Variants in KCTD1 observed in about 807,000 individuals in gnomAD.
The protein encoded by KCTD1 is BTB/POZ domain-containing protein KCTD1.
KCTD1 carries 24 observed loss-of-function variants against 66.0 expected under a neutral mutation model. That is an observed-to-expected ratio of 0.36 (90% CI 0.26 to 0.51). The LOEUF (loss-of-function observed/expected upper bound fraction) is 0.51. Ranked by LOEUF, KCTD1 falls within the 20% of genes least tolerant of loss-of-function variation. The probability of loss-of-function intolerance (pLI) is 0.95; values close to 1 mark genes in which losing one functional copy is unlikely to be tolerated. For missense variants in KCTD1, 943 were observed against 1,205.2 expected, an observed-to-expected ratio of 0.78 and a Z score of 3.22; for synonymous variants, 511 against 517.2, an observed-to-expected ratio of 0.99 and a Z score of 0.16.
In KCTD1 at chr18:26,548,079, G is replaced by A. The variant is rs754067240; in HGVS notation, c.458C>T (p.Ser153Phe). ...RARGGPPGDG[S>F]ELDPDVLQRP... ...CTGCAGCACGTCGGGGTCCAGCTCG[G>A]AGCCGTCCCCGGGCGGCCCACCGCG... The change falls in exon 1 of 5, where the codon TCC becomes TTC. Residue 153 changes from serine (S) to phenylalanine (F), a missense_variant. Physicochemically the swap from Ser to Phe is radical, Grantham distance 155. Coordinates refer to ENST00000580059, the MANE Select transcript of KCTD1 (RefSeq NM_001142730.3). 3.6e-5 allele frequency: 50 copies of A among 1,403,708 alleles called. No individual in the cohort carries two copies. In the South Asian group the frequency reaches 7.5e-4, roughly 21 times the overall value. 87.0% of individuals were successfully genotyped at this position (1,403,708 alleles called of 1,614,324 possible). A position where few individuals can be genotyped will look rare whatever the true frequency, so the allele number is the denominator to read the frequency against.
chr18:26,571,832 C>T (rs62088564), intron 1 of KCTD1, among the ~76,000 whole-genome samples: 20,205 of 151,994 alleles, frequency 0.13, 1,500 homozygotes, highest in East Asian at 0.27. Flanking sequence ...GTAGCAAATG[C>T]AAGCTTTGCT....
At chr18:26,481,760 T>C (rs1199283958) in intron 2 of KCTD1, among the ~76,000 whole-genome samples, 1 of 152,200 alleles carries the variant, frequency 6.6e-6, no homozygotes, top group Non-Finnish European at 1.5e-5. Flanking sequence ...GGCTACACAG[T>C]GGCATCACCT....
chr18:26,558,554 T>G (rs922559754), intron 1 of KCTD1, among the ~76,000 whole-genome samples: 1 of 152,154 alleles, frequency 6.6e-6, no homozygotes, highest in Non-Finnish European at 1.5e-5. Flanking sequence ...GGAAGCAACC[T>G]AAGTGTCCAT....
At chr18:26,525,328 G>C (rs993024051) in intron 1 of KCTD1, among the ~76,000 whole-genome samples, 3 of 152,168 alleles carry the variant, frequency 2.0e-5, no homozygotes, top group Admixed American at 1.3e-4. Flanking sequence ...CTGCAACAAT[G>C]CATGTGCTCT....
chr18:26,575,080 C>T (rs1455003409), intron 1 of KCTD1, among the ~76,000 whole-genome samples: 2 of 152,142 alleles, frequency 1.3e-5, no homozygotes, highest in African/African-American at 4.8e-5. Context: ...TTTCCTCTGC[C>T]ATTGTCTTAT....
At chr18:26,495,432 C>A (rs1364806666) in intron 2 of KCTD1, among the ~76,000 whole-genome samples, 3 of 152,108 alleles carry the variant, frequency 2.0e-5, no homozygotes, top group African/African-American at 4.8e-5. Flanking sequence ...ATGACGCACG[C>A]CAAAAGCTGG....
chr18:26,656,257 GAGCGC>G (rs1988135603), intron 1 of KCTD1, among the ~76,000 whole-genome samples: 1 of 151,990 alleles, frequency 6.6e-6, no homozygotes, highest in Admixed American at 6.5e-5. Flanking sequence ...GGGAAGAGGC[GAGCGC>G]AGCAAAGCCA....
At chr18:26,491,933 C>A (rs1234001679) in intron 2 of KCTD1, among the ~76,000 whole-genome samples, 1 of 152,182 alleles carries the variant, frequency 6.6e-6, no homozygotes, top group Non-Finnish European at 1.5e-5. Context: ...CTGCTCCAGA[C>A]CAATAAAATT....
chr18:26,560,132 C>T (rs532351328), intron 1 of KCTD1, among the ~76,000 whole-genome samples: 2 of 126,136 alleles, frequency 1.6e-5, no homozygotes, highest in East Asian at 4.2e-4. Flanking sequence ...TACCACCTTC[C>T]CCCCACCAGA....
At chr18:26,510,341 G>GT (rs1414780770) in intron 1 of KCTD1, among the ~76,000 whole-genome samples, 1 of 152,176 alleles carries the variant, frequency 6.6e-6, no homozygotes, top group Non-Finnish European at 1.5e-5. Flanking sequence ...GATTAAAATC[G>GT]TAATTTCACA....
intron 1 of KCTD1, among the ~76,000 whole-genome samples, chr18:26,507,782 G>A (rs1054601863): frequency 1.3e-5 from 2 of 151,920 alleles, no homozygotes; most frequent in African/African-American, 2.4e-5. Context: ...AAAAGGGCAC[G>A]TACTGTATGA....
intron 1 of KCTD1, among the ~76,000 whole-genome samples, chr18:26,593,539 AG>A (rs1333267443): frequency 2.0e-4 from 18 of 88,448 alleles, no homozygotes; most frequent in African/African-American, 4.1e-4. Flanking sequence ...GAGAAGGAGG[AG>A]GAAGAAGACG....
At chr18:26,570,191 A>AAAAATATATATATATATAT (rs776923644) in intron 1 of KCTD1, among the ~76,000 whole-genome samples, 1 of 132,548 alleles carries the variant, frequency 7.5e-6, no homozygotes, top group Admixed American at 8.0e-5. Flanking sequence ...ATCTAAAAAA[A>AAAAATATATATATATATAT]ATATATATAT....
intron 1 of KCTD1, among the ~76,000 whole-genome samples, chr18:26,513,232 C>A (rs1330401816): frequency 6.6e-6 from 1 of 151,780 alleles, no homozygotes. Context: ...GGACTACAGG[C>A]GCCCGCAACC....
intron 1 of KCTD1, among the ~76,000 whole-genome samples, chr18:26,535,114 T>C (rs55944361): frequency 0.097 from 10,788 of 110,840 alleles, 745 homozygotes; most frequent in African/African-American, 0.13. Context: ...GGTTGGGGGG[T>C]GGGGGTGGAG....
In KCTD1 at chr18:26,529,978, C is replaced by T. The variant is rs141901714; in HGVS notation, c.1809+16750G>A. On this transcript the variant is annotated intron_variant, in intron 1 of 4. Transcript: ENST00000580059. ...AATGTCAACAAAACCCTAAGGTGGA[C>T]GGCTAGACCTACAGACAAGGATCCA... is the stretch of plus-strand genomic sequence containing the variant. 3.5e-3 allele frequency among the ~76,000 whole-genome samples: 530 copies of T among 152,308 alleles called. 4 individuals carry two copies. The highest frequency in any genetic ancestry group is 7.4e-3 in the Admixed American group (113 of 15,300).
chr18:26,533,290 A>G (rs777949610), intron 1 of KCTD1, among the ~76,000 whole-genome samples: 5 of 152,272 alleles, frequency 3.3e-5, no homozygotes, highest in South Asian at 4.1e-4. Flanking sequence ...ACAAGCTAGT[A>G]TAAACTAAAT....
At chr18:26,628,740 T>A in intron 1 of KCTD1, among the ~76,000 whole-genome samples, 1 of 152,134 alleles carries the variant, frequency 6.6e-6, no homozygotes, top group South Asian at 2.1e-4. Flanking sequence ...CCTAAAGAAT[T>A]ATTTTTGGGG....
At chr18:26,583,996 C>T (rs577417218) in intron 1 of KCTD1, among the ~76,000 whole-genome samples, 5 of 152,290 alleles carry the variant, frequency 3.3e-5, no homozygotes, top group African/African-American at 1.2e-4. Flanking sequence ...CATCAGTCCA[C>T]AGATCAAGAA....
Sources: gnomAD v4.1 joint callset for allele counts (sites outside exome capture counted in the v4.1 genomes callset) on GRCh38, gnomAD v4.1.1 for gene constraint, MANE v1.5 for transcripts, NCBI Gene and HGNC (gene_info 2026-07-23, HGNC 2026-07-21) for gene names.